LRBA: variants seen among roughly 807,000 people sequenced by gnomAD.
LRBA encodes lipopolysaccharide-responsive and beige-like anchor protein.
A neutral mutation model predicts 330.0 loss-of-function variants in LRBA; 176 were observed. That is an observed-to-expected ratio of 0.53 (90% CI 0.47 to 0.60). LRBA has a LOEUF of 0.60. Ranked by LOEUF, LRBA falls within the 20% of genes least tolerant of loss-of-function variation. The probability of loss-of-function intolerance (pLI) is 0.00; values close to 1 mark genes in which losing one functional copy is unlikely to be tolerated. For missense variants in LRBA, 3,259 were observed against 3,444.8 expected, an observed-to-expected ratio of 0.95 and a Z score of 1.35; for synonymous variants, 1,230 against 1,193.0, an observed-to-expected ratio of 1.03 and a Z score of -0.64.
At chr4:150,903,558 G>C (rs917001848) in intron 13 of LRBA, among the ~76,000 whole-genome samples, 1 of 151,804 alleles carries the variant, frequency 6.6e-6, no homozygotes, top group African/African-American at 2.4e-5. Context: ...GGGCAACATG[G>C]CAAAACATCA....
At chr4:150,884,265 A>T (rs1239146819) in intron 17 of LRBA, among the ~76,000 whole-genome samples, 7 of 152,216 alleles carry the variant, frequency 4.6e-5, no homozygotes, top group Non-Finnish European at 1.0e-4. Context: ...GATCAGAGAT[A>T]CAGGCACAAT....
chr4:150,869,943 A>T (rs754966466), intron 20 of LRBA, among the ~76,000 whole-genome samples: 1 of 152,148 alleles, frequency 6.6e-6, no homozygotes, highest in Non-Finnish European at 1.5e-5. Flanking sequence ...GTGCTTTGAA[A>T]ATTAGCACTG....
chr4:150,685,559 G>C (rs2098412209), intron 36 of LRBA, among the ~76,000 whole-genome samples: 1 of 145,178 alleles, frequency 6.9e-6, no homozygotes, highest in African/African-American at 2.6e-5. Flanking sequence ...TCGACCTCCC[G>C]AGTAGCTGGG....
At chr4:150,619,941 C>G (rs1776135826) in intron 37 of LRBA, among the ~76,000 whole-genome samples, 1 of 152,000 alleles carries the variant, frequency 6.6e-6, no homozygotes, top group Non-Finnish European at 1.5e-5. Context: ...CACAACATAG[C>G]ACAAATTGGA....
At chr4:150,978,441 G>C (rs1487628631) in intron 2 of LRBA, among the ~76,000 whole-genome samples, 1 of 152,154 alleles carries the variant, frequency 6.6e-6, no homozygotes, top group Non-Finnish European at 1.5e-5. Context: ...AATAAGCCCA[G>C]ACTGTGAAGA....
At chr4:150,397,660 A>G (rs759408330) in intron 47 of LRBA, among the ~76,000 whole-genome samples, 2 of 152,222 alleles carry the variant, frequency 1.3e-5, no homozygotes, top group African/African-American at 2.4e-5. Flanking sequence ...TAATTTTATC[A>G]TAGGAAGTAT....
At chr4:150,585,681 C>T (rs1168129571) in intron 40 of LRBA, among the ~76,000 whole-genome samples, 2 of 152,148 alleles carry the variant, frequency 1.3e-5, no homozygotes, top group Non-Finnish European at 2.9e-5. Context: ...GAATATATGT[C>T]AGATGTTACC....
Position 151,007,641 on chromosome 4 carries a change from A to T in LRBA, c.216+6786T>A, listed in dbSNP as rs1472635940. ...GAGAGGCCGAGATAGGCGGATCACG[A>T]GGTCAGGAGATCGAGACCATCCTGG... is the stretch of plus-strand genomic sequence containing the variant. On this transcript the variant is annotated intron_variant, in intron 2 of 56. Transcript: ENST00000651943. 2.6e-5 allele frequency among the ~76,000 whole-genome samples: 4 copies of T among 152,118 alleles called. No individual in the cohort carries two copies. In the East Asian group the frequency reaches 7.7e-4, roughly 29 times the overall value.
intron 2 of LRBA, among the ~76,000 whole-genome samples, chr4:150,976,767 C>T (rs1740228689): frequency 6.6e-6 from 1 of 152,162 alleles, no homozygotes; most frequent in Non-Finnish European, 1.5e-5. Context: ...CTATTCCCCC[C>T]AAAAGCAGCT....
chr4:150,958,615 T>C (rs1737810049), intron 2 of LRBA, among the ~76,000 whole-genome samples: 1 of 149,370 alleles, frequency 6.7e-6, no homozygotes, highest in South Asian at 2.1e-4. Context: ...TCTTTTCTAT[T>C]GCATCATTAG....
At chr4:150,315,271 A>G (rs901864296) in intron 51 of LRBA, 1 of 476,670 alleles carries the variant, frequency 2.1e-6, no homozygotes, top group Non-Finnish European at 3.8e-6. Context: ...AAAAGATCCA[A>G]TATTATCCTG....
intron 2 of LRBA, among the ~76,000 whole-genome samples, chr4:150,983,853 T>C (rs1423630429): frequency 1.3e-5 from 2 of 152,206 alleles, no homozygotes; most frequent in Admixed American, 1.3e-4. Flanking sequence ...TACTTACATG[T>C]AAAAGAAGAG....
intron 44 of LRBA, among the ~76,000 whole-genome samples, chr4:150,458,806 A>G: frequency 6.7e-6 from 1 of 149,626 alleles, no homozygotes; most frequent in Non-Finnish European, 1.5e-5. Flanking sequence ...TTAAAAAAAC[A>G]CTTCTGTTTC....
intron 37 of LRBA, 98 bp downstream of exon 37, chr4:150,683,453 C>T (rs1206029140): frequency 1.1e-6 from 1 of 926,004 alleles, no homozygotes; most frequent in African/African-American, 1.6e-5. Flanking sequence ...TTAAATTACT[C>T]TCTTCTTCAT....
intron 28 of LRBA, among the ~76,000 whole-genome samples, chr4:150,836,250 G>A (rs1380444024): frequency 6.6e-6 from 1 of 152,152 alleles, no homozygotes; most frequent in Non-Finnish European, 1.5e-5. Context: ...AGGGATATTG[G>A]TCTAAAATTC....
rs556863942 is a variant in LRBA, at chr4:150,281,324, G to A, written c.8316+1126C>T. 7.9e-5 allele frequency among the ~76,000 whole-genome samples: 12 copies of A among 152,194 alleles called. 1 individual carries two copies. In the South Asian group the frequency reaches 1.2e-3, roughly 16 times the overall value. ...ACGAGTGTGTCTCTGTGCGTGCCTC[G>A]TGGAGGCCGGCAGAATGTGATGGAG... is the stretch of plus-strand genomic sequence containing the variant. On this transcript the variant is annotated intron_variant, in intron 55 of 56. Coordinates refer to ENST00000651943, the MANE Select transcript of LRBA (RefSeq NM_001364905.1).
chr4:150,892,986 A>C, intron 17 of LRBA, 66 bp downstream of exon 17: 1 of 979,468 alleles, frequency 1.0e-6, no homozygotes, highest in Non-Finnish European at 1.5e-6. Context: ...AATCCTTTTC[A>C]TATTTAAGAA....
At chr4:150,543,736 T>C (rs2152230064) in intron 40 of LRBA, among the ~76,000 whole-genome samples, 1 of 152,322 alleles carries the variant, frequency 6.6e-6, no homozygotes, top group South Asian at 2.1e-4. Flanking sequence ...CAATTTCTTA[T>C]TCAGTAAGTA....
intron 47 of LRBA, among the ~76,000 whole-genome samples, chr4:150,404,293 A>G (rs1745884850): frequency 1.3e-5 from 2 of 152,344 alleles, no homozygotes; most frequent in South Asian, 4.1e-4. Flanking sequence ...CATCTGCACA[A>G]TACCATCTCA....
Sources: allele counts gnomAD v4.1 joint callset (sites outside exome capture counted in the v4.1 genomes callset), GRCh38; gene constraint gnomAD v4.1.1; transcripts MANE v1.5; gene names NCBI Gene and HGNC (gene_info 2026-07-23, HGNC 2026-07-21).